Variants in NISCH observed in about 807,000 individuals in gnomAD.
NISCH encodes nischarin.
In NISCH, 55 loss-of-function variants were observed where a neutral mutation model predicts 138.4. The ratio of observed to expected loss-of-function variants is 0.40; its 90% CI spans 0.32 to 0.50. The LOEUF (loss-of-function observed/expected upper bound fraction) is 0.50, where lower values mean the gene tolerates loss of function less well. NISCH is among the 20% of genes least tolerant of loss of function. NISCH has a pLI of 0.71. For synonymous variants in NISCH, 860 were observed against 861.5 expected, an observed-to-expected ratio of 1.00 and a Z score of 0.03; for missense variants, 1,643 against 2,005.5, an observed-to-expected ratio of 0.82 and a Z score of 3.45.
In NISCH at chr3:52,488,431, T is replaced by G. The variant is rs747090672; in HGVS notation, c.2939T>G (p.Phe980Cys). Residue 980 changes from phenylalanine (F) to cysteine (C), a missense_variant, in exon 16 of 21, where the codon TTT (phenylalanine) becomes TGT (cysteine). Transcript: ENST00000345716. ...HVLELLVGYR[F>C]VTAIFVLPHE... ...CTAGAGCTGCTCGTGGGGTACCGCT[T>G]TGTCACTGCCATCTTCGTGCTGCCC... The G allele has an allele frequency of 1.2e-6, 2 of 1,613,762 alleles. No individual in the cohort carries two copies. Among genetic ancestry groups the G allele is most frequent in the South Asian group, 2.2e-5 (2 of 91,088 alleles).
At chr3:52,491,314 C>T (rs757190600) in intron 19 of NISCH, 38 bp from the exon 20 acceptor site, 21 of 1,583,346 alleles carry the variant, frequency 1.3e-5, no homozygotes, top group African/African-American at 5.4e-5. Context: ...GGCTGGGGAG[C>T]GCCGGCCTGT....
chr3:52,486,065 G>A (rs937731936), intron 15 of NISCH, among the ~76,000 whole-genome samples: 6 of 152,220 alleles, frequency 3.9e-5, no homozygotes, highest in African/African-American at 1.4e-4. Context: ...GGCAAATCAA[G>A]GCCTGTGTGT....
intron 11 of NISCH, among the ~76,000 whole-genome samples, chr3:52,479,041 G>T (rs1463395277): frequency 6.6e-6 from 1 of 152,156 alleles, no homozygotes; most frequent in Non-Finnish European, 1.5e-5. Flanking sequence ...TGGACCTTCT[G>T]TTCTCCCAAA....
chr3:52,459,467 T>C (rs1706568750), intron 3 of NISCH, among the ~76,000 whole-genome samples: 1 of 152,214 alleles, frequency 6.6e-6, no homozygotes, highest in Non-Finnish European at 1.5e-5. Context: ...GGAGTCTTGC[T>C]CTGTCACCTA....
At position 52,488,543 on chromosome 3, in the gene NISCH, C is replaced by G; in HGVS notation, c.3051C>G (p.Pro1017=). The G allele has an allele frequency of 6.2e-7, 1 of 1,613,018 alleles. No individual in the cohort carries two copies. The highest frequency in any genetic ancestry group is 8.5e-7 in the Non-Finnish European group (1 of 1,179,934). Residue 1017 remains proline, a synonymous_variant, in exon 16 of 21, where the codon CCC becomes CCG. Coordinates refer to ENST00000345716, the MANE Select transcript of NISCH (RefSeq NM_007184.4). ...DLKTVVIAKT[P]GTGGSPQGSF... ...AGACTGTGGTCATCGCCAAGACCCC[C>G]GGGACGGGAGGCAGCCCCCAGGGCT...
rs148389771 is a variant in NISCH, at chr3:52,490,160, T to C, written c.3542T>C (p.Leu1181Pro). The C allele has an allele frequency of 6.2e-7, 1 of 1,613,476 alleles. No homozygotes were observed. The highest frequency in any genetic ancestry group is 8.5e-7 in the Non-Finnish European group (1 of 1,180,034). ...GGGCTGGAGGTGACTGCCTGCGTGC[T>C]GCTCTCCACCAAGGCTGTGTACTTT... is the stretch of plus-strand genomic sequence containing the variant. ...TPGLEVTACVLLSTKAVYFVL... is the reference protein window; with the variant it reads ...TPGLEVTACVPLSTKAVYFVL... Residue 1181 changes from leucine (L) to proline (P), a missense_variant, in exon 18 of 21, where the codon CTG becomes CCG. Leu to Pro is a moderately conservative substitution (Grantham distance 98). Transcript: ENST00000345716.
In NISCH at chr3:52,491,520, C is replaced by T. The variant is rs1246046818; in HGVS notation, c.3904+7C>T. On this transcript the variant is annotated splice_region_variant and intron_variant, in intron 20 of 20. Transcript: ENST00000345716. Reference sequence around the variant, plus strand: ...TTTGGGAACAAGACCACAGGTACCCCTGTCTAGCTCAGGCTGCAGACAGGC... The same window carrying T: ...TTTGGGAACAAGACCACAGGTACCCTTGTCTAGCTCAGGCTGCAGACAGGC... 3.1e-6 allele frequency: 5 copies of T among 1,607,654 alleles called. No individual in the cohort carries two copies.
chr3:52,473,295 T>C (rs944361069), intron 6 of NISCH, among the ~76,000 whole-genome samples: 1 of 152,142 alleles, frequency 6.6e-6, no homozygotes, highest in Non-Finnish European at 1.5e-5. Flanking sequence ...GGCAGGTGGC[T>C]TGGGGAGTGT....
At chr3:52,466,227 A>G (rs1459817616) in intron 3 of NISCH, among the ~76,000 whole-genome samples, 1 of 152,200 alleles carries the variant, frequency 6.6e-6, no homozygotes, top group East Asian at 1.9e-4. Context: ...CACACATATT[A>G]TGCCTGACTC....
chr3:52,474,286 G>A (rs2153231208), intron 7 of NISCH, among the ~76,000 whole-genome samples: 1 of 150,788 alleles, frequency 6.6e-6, no homozygotes, highest in East Asian at 2.0e-4. Flanking sequence ...GCTAAGTTTT[G>A]TTTTTTGTTG....
chr3:52,468,398 T>G (rs1304293809), intron 3 of NISCH, among the ~76,000 whole-genome samples: 4 of 152,170 alleles, frequency 2.6e-5, no homozygotes, highest in African/African-American at 9.6e-5. Context: ...GGGCAGAGAT[T>G]GGCAGCCCCT....
intron 9 of NISCH, 44 bp from the exon 10 acceptor site, chr3:52,478,053 G>A (rs1205505356): frequency 1.2e-6 from 2 of 1,603,414 alleles, no homozygotes; most frequent in Non-Finnish European, 1.7e-6. Context: ...TATCTTTGGA[G>A]ACTTGACCTG....
chr3:52,455,667 C>T lies in NISCH; in HGVS notation c.26C>T (p.Pro9Leu). The stretch of plus-strand genomic sequence containing the variant: ...ATGGCGACCGCGCGCACCTTCGGGC[C>T]CGAGCGGGAAGCCGAGCCGGCCAAG... MATARTFG[P>L]EREAEPAKEA... Residue 9 changes from proline to leucine, a missense_variant, in exon 1 of 21, where the codon CCC (proline) becomes CTC (leucine). By Grantham distance (98) the Pro-to-Leu change is moderately conservative. Transcript: ENST00000345716. 1.5e-6 allele frequency: 2 copies of T among 1,356,830 alleles called. No individual in the cohort carries two copies. Among genetic ancestry groups the T allele is most frequent in the Non-Finnish European group, 1.9e-6 (2 of 1,045,496 alleles). The allele number at this position is 1,356,830 out of a possible 1,614,324, so 84.0% of individuals were successfully genotyped here.
rs377533055 is a variant in NISCH at position 52,490,727 on chromosome 3, C to T, written c.3636C>T (p.Thr1212=). 70 of 1,614,180 alleles carry T rather than the reference C, an allele frequency of 4.3e-5. No homozygotes were observed. Among genetic ancestry groups the T allele is most frequent in the Non-Finnish European group, 5.4e-5 (64 of 1,180,024 alleles). The change falls in exon 19 of 21, where the codon ACC becomes ACT. Residue 1212 remains threonine (T), a synonymous_variant. Transcript: ENST00000345716. ...PLQDFWHQKN[T]DYNNSPFHIS... ...CAGATTTCTGGCATCAGAAAAACAC[C>T]GACTACAACAACAGCCCTTTCCACA...
intron 11 of NISCH, 84 bp downstream of exon 11, chr3:52,478,661 C>T: frequency 3.1e-6 from 4 of 1,292,496 alleles, no homozygotes; most frequent in Middle Eastern, 2.0e-4. Context: ...GATATATGTC[C>T]ATTGTTCTAC....
Position 52,484,259 on chromosome 3 carries a change from T to G in NISCH, c.1529-254T>G, listed in dbSNP as rs535084766. On this transcript the variant is annotated intron_variant, in intron 13 of 20. Coordinates refer to ENST00000345716, the MANE Select transcript of NISCH (RefSeq NM_007184.4). ...TAATTTTTATGTAGTCACATCTCAG[T>G]TTTTTTCCATTGCATTTATTCTCAG... The G allele has an allele frequency of 6.0e-4, 267 of 444,014 alleles. 1 individual carries two copies. The highest frequency in any genetic ancestry group is 4.7e-3 in the African/African-American group (244 of 51,686). The allele number at this position is 444,014 out of a possible 1,614,324, so 27.5% of individuals were successfully genotyped here.
intron 3 of NISCH, among the ~76,000 whole-genome samples, chr3:52,463,832 T>C (rs1041678189): frequency 6.6e-6 from 1 of 151,058 alleles, no homozygotes; most frequent in Admixed American, 6.6e-5. Flanking sequence ...CAAGCGATTC[T>C]CGTGCCTCAG....
chr3:52,463,641 T>G (rs1044820107), intron 3 of NISCH, among the ~76,000 whole-genome samples: 3 of 152,050 alleles, frequency 2.0e-5, no homozygotes, highest in African/African-American at 7.2e-5. Flanking sequence ...TCTTAGTTGT[T>G]CTGGTGGGTG....
intron 3 of NISCH, among the ~76,000 whole-genome samples, chr3:52,466,222 A>G (rs1030967244): frequency 3.3e-5 from 5 of 152,158 alleles, no homozygotes; most frequent in Non-Finnish European, 1.5e-5. Flanking sequence ...TGAATCACAC[A>G]TATTATGCCT....
Sources: gnomAD v4.1 joint callset for allele counts (sites outside exome capture counted in the v4.1 genomes callset) on GRCh38, gnomAD v4.1.1 for gene constraint, MANE v1.5 for transcripts, NCBI Gene and HGNC (gene_info 2026-07-23, HGNC 2026-07-21) for gene names.